Variants in SVOPL observed in about 807,000 individuals in gnomAD.
The protein encoded by SVOPL is SVOP like.
In SVOPL, 60 loss-of-function variants were observed where a neutral mutation model predicts 61.0. That is an observed-to-expected ratio of 0.98 (90% CI 0.80 to 1.22). The LOEUF (loss-of-function observed/expected upper bound fraction) is 1.22. Among genes scored for constraint, SVOPL ranks in the 50% most tolerant of loss-of-function variants. SVOPL has a pLI of 0.00. For synonymous variants in SVOPL, 279 were observed against 250.0 expected (o/e 1.12, Z -1.09); for missense variants, 662 against 643.9 (o/e 1.03, Z -0.30).
At chr7:138,650,169 A>C (rs1002428360) in intron 7 of SVOPL, among the ~76,000 whole-genome samples, 1 of 152,194 alleles carries the variant, frequency 6.6e-6, no homozygotes. Context: ...AACAAATTGT[A>C]CAAAAATTTT....
At chr7:138,630,216 A>G in intron 9 of SVOPL, 94 bp from the exon 10 acceptor site, 2 of 1,061,362 alleles carry the variant, frequency 1.9e-6, no homozygotes, top group Non-Finnish European at 2.9e-6. Context: ...TGAGAATCAT[A>G]TTGGAGCATG....
intron 9 of SVOPL, among the ~76,000 whole-genome samples, chr7:138,638,323 G>A (rs76173975): frequency 0.027 from 3,927 of 145,478 alleles, 123 homozygotes; most frequent in East Asian, 0.16. Flanking sequence ...CAATAGAAAG[G>A]AGATGCAAAA....
chr7:138,654,500 G>GTTTTTTT lies in SVOPL; in HGVS notation c.534+1941_534+1947dup, dbSNP rs71179717. Reference sequence around the variant, plus strand: ...GTTTACAGCATGGTTTACTGAGTTTGTTTTTTTTTTTTTTTTTGAGACGGA... The same window carrying GTTTTTTT: ...GTTTACAGCATGGTTTACTGAGTTTGTTTTTTTTTTTTTTTTTTTTTTTTGAGACGGA... On this transcript the variant is annotated intron_variant, in intron 7 of 15. Coordinates refer to ENST00000674285, the MANE Select transcript of SVOPL (RefSeq NM_001139456.2). 3.5e-4 allele frequency among the ~76,000 whole-genome samples: 44 copies of GTTTTTTT among 125,524 alleles called. 6 individuals carry two copies. Among genetic ancestry groups the GTTTTTTT allele is most frequent in the Non-Finnish European group, 4.5e-4 (28 of 62,374 alleles). 82.3% of individuals were successfully genotyped at this position (125,524 alleles called of 152,430 possible).
intron 14 of SVOPL, among the ~76,000 whole-genome samples, chr7:138,607,925 A>G (rs992992119): frequency 1.1e-4 from 16 of 152,258 alleles, no homozygotes; most frequent in African/African-American, 3.4e-4. Flanking sequence ...TTAAAAATCA[A>G]TATTAAAAAA....
rs1286879814 is a variant in SVOPL at position 138,615,836 on chromosome 7, GA to G, written c.1353+5209del. On this transcript the variant is annotated intron_variant, in intron 14 of 15. Coordinates refer to ENST00000674285, the MANE Select transcript of SVOPL (RefSeq NM_001139456.2). Reference sequence around the variant, plus strand: ...ATCACAGATGTACCACCCAGTTTAAGAAAGGAAAAATTTTTTAAAAAATAAA... The same window carrying G: ...ATCACAGATGTACCACCCAGTTTAAGAAGGAAAAATTTTTTAAAAAATAAA... Among the ~76,000 whole-genome samples the G allele has an allele frequency of 4.7e-5, 7 of 150,488 alleles. No individual in the cohort carries two copies. The South Asian group carries it at 1.5e-3, about 33-fold the overall frequency.
intron 5 of SVOPL, 180 bp downstream of exon 5, chr7:138,662,894 G>T: frequency 1.4e-6 from 2 of 1,440,210 alleles, no homozygotes; most frequent in South Asian, 1.5e-5. Flanking sequence ...GCAGGCACAG[G>T]TACCCTGAGA....
rs202104696 is a variant in SVOPL, at chr7:138,622,221, T to A, written c.1264-1086A>T. On this transcript the variant is annotated intron_variant, in intron 13 of 15. Transcript: ENST00000674285. ...ATCTATGTATCTATCTATCTATCTA[T>A]GTATCTATCTATGTATCTATCTATC... Among the ~76,000 whole-genome samples the A allele has an allele frequency of 2.0e-3, 163 of 81,624 alleles. 11 individuals are homozygous for A. The highest frequency in any genetic ancestry group is 3.6e-3 in the East Asian group (8 of 2,240). 53.5% of individuals were successfully genotyped at this position (81,624 alleles called of 152,430 possible).
chr7:138,684,588 G>A (rs763778021), intron 1 of SVOPL, among the ~76,000 whole-genome samples: 23 of 152,168 alleles, frequency 1.5e-4, no homozygotes, highest in Non-Finnish European at 2.5e-4. Context: ...TTGTTAGGAC[G>A]GCGATTATCA....
rs1802640635 is a variant in SVOPL, at chr7:138,678,978, T to C, written c.68A>G (p.Glu23Gly). The change falls in exon 2 of 16, where the codon GAG becomes GGG. Residue 23 changes from glutamate to glycine, a missense_variant. Transcript: ENST00000674285. The stretch of plus-strand genomic sequence containing the variant: ...GATAATCTCACCTTTAACCTGTGGC[T>C]CTGCGGTCCCCAGGCTCAATTTCCG... ...SLRKLSLGTA[E>G]PQVKEPKTFT... The C allele has an allele frequency of 1.3e-6, 2 of 1,551,520 alleles. No homozygotes were observed. The highest frequency in any genetic ancestry group is 2.4e-5 in the South Asian group (2 of 84,058).
intron 1 of SVOPL, among the ~76,000 whole-genome samples, chr7:138,682,707 C>T (rs939982970): frequency 6.6e-6 from 1 of 151,936 alleles, no homozygotes; most frequent in African/African-American, 2.4e-5. Context: ...AGTGGCTCAC[C>T]TCTGTAATCC....
chr7:138,661,941 C>T (rs1802021111), intron 5 of SVOPL: 2 of 985,262 alleles, frequency 2.0e-6, no homozygotes, highest in Non-Finnish European at 2.4e-6. Flanking sequence ...ACCCCTTACC[C>T]CCACAATTAC....
At chr7:138,694,773 C>T (rs917068098) in intron 1 of SVOPL, among the ~76,000 whole-genome samples, 2 of 152,080 alleles carry the variant, frequency 1.3e-5, no homozygotes, top group Admixed American at 6.6e-5. Flanking sequence ...GACAGAGTTT[C>T]GCTCTTGTTG....
At chr7:138,689,209 GC>G in intron 1 of SVOPL, 2 of 1,356,280 alleles carry the variant, frequency 1.5e-6, no homozygotes, top group East Asian at 2.3e-5. Context: ...AAGCAGTGGG[GC>G]TGGACACAAG....
At chr7:138,686,186 T>C (rs1479109025) in intron 1 of SVOPL, among the ~76,000 whole-genome samples, 2 of 152,020 alleles carry the variant, frequency 1.3e-5, no homozygotes, top group African/African-American at 4.8e-5. Context: ...GTGGATGGCC[T>C]GAGGTCAGGA....
intron 9 of SVOPL, among the ~76,000 whole-genome samples, chr7:138,631,133 A>C (rs1402713716): frequency 6.6e-6 from 1 of 152,142 alleles, no homozygotes; most frequent in Non-Finnish European, 1.5e-5. Flanking sequence ...TGGGTGTCCT[A>C]GATTTTGTTG....
At chr7:138,614,892 CT>C (rs1388321344) in intron 14 of SVOPL, among the ~76,000 whole-genome samples, 4 of 152,056 alleles carry the variant, frequency 2.6e-5, no homozygotes, top group South Asian at 2.1e-4. Flanking sequence ...CTTTTCAATG[CT>C]TTTTTTGGAT....
In SVOPL at chr7:138,649,063, C is replaced by T; in HGVS notation, c.609G>A (p.Trp203Ter). ...SVIIPTIGWRWLIRVASIPGI... is the reference protein window; with the variant it reads ...SVIIPTIGWR ...CCGGGATGGAGGCGACGCGAATGAG[C>T]CAGCGCCACCCGATGGTGGGGATGA... Residue 203 changes from tryptophan to a stop codon, truncating the protein, a stop_gained, in exon 8 of 16, where the codon TGG (tryptophan) becomes TGA (stop). Transcript: ENST00000674285. LOFTEE classifies it high-confidence loss of function. 1.9e-6 allele frequency: 3 copies of T among 1,613,830 alleles called. No individual in the cohort carries two copies. Among genetic ancestry groups the T allele is most frequent in the Non-Finnish European group, 2.5e-6 (3 of 1,179,956 alleles).
intron 8 of SVOPL, among the ~76,000 whole-genome samples, chr7:138,647,637 T>A (rs1373103784): frequency 1.3e-5 from 2 of 151,580 alleles, no homozygotes; most frequent in East Asian, 3.9e-4. Flanking sequence ...GATCACTAAG[T>A]CAGGAGTTCA....
chr7:138,641,203 A>G (rs563867895), intron 9 of SVOPL, among the ~76,000 whole-genome samples: 117 of 146,418 alleles, frequency 8.0e-4, no homozygotes, highest in African/African-American at 2.8e-3. Flanking sequence ...CATCACAAAA[A>G]ATAACTCAAT....
Sources: gnomAD v4.1 joint callset for allele counts (sites outside exome capture counted in the v4.1 genomes callset) on GRCh38, gnomAD v4.1.1 for gene constraint, MANE v1.5 for transcripts, NCBI Gene and HGNC (gene_info 2026-07-23, HGNC 2026-07-21) for gene names.